Variants in PDE6B observed in about 807,000 individuals in gnomAD.
The protein encoded by PDE6B is rod cGMP-specific 3',5'-cyclic phosphodiesterase subunit beta.
A neutral mutation model predicts 109.0 loss-of-function variants in PDE6B; 106 were observed. That is an observed-to-expected ratio of 0.97 (90% CI 0.83 to 1.14). The LOEUF (loss-of-function observed/expected upper bound fraction) is 1.14, where lower values mean the gene tolerates loss of function less well. Ranked by LOEUF, PDE6B falls within the 50% of genes most tolerant of loss-of-function variation. PDE6B has a pLI of 0.00. For missense variants in PDE6B, 1,193 were observed against 1,155.6 expected (o/e 1.03, Z -0.47); for synonymous variants, 490 against 471.3 (o/e 1.04, Z -0.51).
intron 3 of PDE6B, chr4:653,234 G>A (rs1044844318): frequency 7.0e-5 from 71 of 1,009,896 alleles, no homozygotes; most frequent in Non-Finnish European, 7.9e-5. Flanking sequence ...CGGCCGCCGC[G>A]AGTGTGAGGA....
At position 625,884 on chromosome 4, in the gene PDE6B, C is replaced by T. The variant is rs886059520; in HGVS notation, c.258C>T (p.Leu86=). 35 of 1,606,208 alleles carry T rather than the reference C, an allele frequency of 2.2e-5. No homozygotes were observed. The highest frequency in any genetic ancestry group is 2.7e-5 in the African/African-American group (2 of 74,820). Residue 86 remains leucine (L), a synonymous_variant, in exon 1 of 22, where the codon CTC becomes CTT. Coordinates refer to ENST00000496514, the MANE Select transcript of PDE6B (RefSeq NM_000283.4). This position sits in a 1 kb window ranked among gnomAD's most constrained non-coding sequence, Gnocchi z 5.0. ...VFKVLRRLCT[L]LQADRCSLFM... ...AGGTCCTGCGGCGCCTCTGCACCCT[C>T]CTGCAGGCCGACCGCTGCAGCCTCT...
Position 663,294 on chromosome 4 carries a change from A to C in PDE6B, c.1920+107A>C. The stretch of plus-strand genomic sequence containing the variant: ...CAGGGTTCTGATGCAGCGGGTGAGC[A>C]CTGGGTGTGTGAGCACTGGGGGAGG... On this transcript the variant is annotated intron_variant, in intron 15 of 21. Transcript: ENST00000496514. This position sits in a 1 kb window ranked among gnomAD's most constrained non-coding sequence, Gnocchi z 4.0. The C allele has an allele frequency of 2.6e-6, 2 of 756,030 alleles. No individual in the cohort carries two copies. The highest frequency in any genetic ancestry group is 2.4e-6 in the Non-Finnish European group (1 of 413,178). 46.8% of individuals were successfully genotyped at this position (756,030 alleles called of 1,614,324 possible).
chr4:642,730 A>AAAAAAAAAAAC (rs1735006319), intron 3 of PDE6B, among the ~76,000 whole-genome samples: 3 of 149,948 alleles, frequency 2.0e-5, no homozygotes, highest in African/African-American at 7.4e-5. Context: ...TGTCTCAAAA[A>AAAAAAAAAAAC]AAAAAAAAAA....
At position 656,928 on chromosome 4, in the gene PDE6B, A is replaced by T. The variant is rs765481943; in HGVS notation, c.1162A>T (p.Ile388Phe). 1.2e-6 allele frequency: 2 copies of T among 1,613,058 alleles called. No individual in the cohort carries two copies. The highest frequency in any genetic ancestry group is 1.6e-4 in the Middle Eastern group (1 of 6,062). Residue 388 changes from isoleucine (I) to phenylalanine (F), a missense_variant, in exon 9 of 22, where the codon ATC (isoleucine) becomes TTC (phenylalanine). Ile to Phe is a conservative substitution (Grantham distance 21). Transcript: ENST00000496514. ...CATCAAGAATGTGCTGTCCATGCCC[A>T]TCGTCAACAAGAAGGAGGAGATTGT... is the stretch of plus-strand genomic sequence containing the variant. ...WLIKNVLSMPIVNKKEEIVGV... is the reference protein window; with the variant it reads ...WLIKNVLSMPFVNKKEEIVGV...
In PDE6B at chr4:665,843, G is replaced by A. The variant is rs998853930; in HGVS notation, c.2268+514G>A. 8.5e-5 allele frequency among the ~76,000 whole-genome samples: 13 copies of A among 152,152 alleles called. No homozygotes were observed. Among genetic ancestry groups the A allele is most frequent in the Non-Finnish European group, 1.6e-4 (11 of 68,002 alleles). On this transcript the variant is annotated intron_variant, in intron 19 of 21. Coordinates refer to ENST00000496514, the MANE Select transcript of PDE6B (RefSeq NM_000283.4). This position sits in a 1 kb window ranked among gnomAD's most constrained non-coding sequence, Gnocchi z 4.0. ...AGAGGCAGGGCTGCCCCAGCCCCAC[G>A]TGGACCAGGTGGGAGCTGTGGTTTC... is the stretch of plus-strand genomic sequence containing the variant.
In PDE6B at chr4:647,692, C is replaced by T. The variant is rs562771881; in HGVS notation, c.712-6160C>T. ...CCCACCTCCACTCACCATCGCATCT[C>T]GGGTGAGGGCTTCACAGATGCATGG... On this transcript the variant is annotated intron_variant, in intron 3 of 21. Coordinates refer to ENST00000496514, the MANE Select transcript of PDE6B (RefSeq NM_000283.4). Among the ~76,000 whole-genome samples, 4 of 152,068 alleles carry T rather than the reference C, an allele frequency of 2.6e-5. 1 individual carries two copies. The highest frequency in any genetic ancestry group is 9.7e-5 in the African/African-American group (4 of 41,364).
chr4:635,546 C>T (rs1234545417), intron 2 of PDE6B, among the ~76,000 whole-genome samples: 3 of 139,872 alleles, frequency 2.1e-5, no homozygotes, highest in African/African-American at 5.4e-5. Context: ...TGCCTGCCCG[C>T]GTGTTCTGTG....
chr4:653,597 G>A (rs933063089), intron 3 of PDE6B: 11 of 585,322 alleles, frequency 1.9e-5, no homozygotes, highest in South Asian at 7.9e-5. Context: ...CTTTCCACTC[G>A]TCCACTCCTG....
At chr4:653,176 C>T (rs1735736529) in intron 3 of PDE6B, 31 of 997,498 alleles carry the variant, frequency 3.1e-5, no homozygotes, top group African/African-American at 5.2e-5. Flanking sequence ...TGGGCTAGGA[C>T]ACCGCAGCGG....
chr4:627,948 T>C (rs1193493278), intron 1 of PDE6B, among the ~76,000 whole-genome samples: 4 of 151,734 alleles, frequency 2.6e-5, no homozygotes, highest in Admixed American at 6.6e-5. Context: ...CCTGGCCTGT[T>C]CCCCAGGGCT....
rs1344935599 is a variant in PDE6B at position 664,862 on chromosome 4, G to A, written c.2130-19G>A. ...TCAGGAGACGCCCATCAGCACTCGT[G>A]CCCGGTTTGTGTCTGCAGGGCCATG... On this transcript the variant is annotated intron_variant, in intron 17 of 21. Transcript: ENST00000496514. The A allele has an allele frequency of 1.2e-6, 2 of 1,609,576 alleles. No individual in the cohort carries two copies. Among genetic ancestry groups the A allele is most frequent in the Admixed American group, 3.3e-5 (2 of 60,036 alleles).
At chr4:627,150 G>GTTTTTT (rs553192612) in intron 1 of PDE6B, among the ~76,000 whole-genome samples, 5 of 143,214 alleles carry the variant, frequency 3.5e-5, no homozygotes, top group African/African-American at 1.3e-4. Context: ...TCGTTTGTGG[G>GTTTTTT]TTTTTTTTTT....
chr4:634,069 AG>A (rs1734521347), intron 1 of PDE6B, among the ~76,000 whole-genome samples: 1 of 151,716 alleles, frequency 6.6e-6, no homozygotes, highest in Non-Finnish European at 1.5e-5. Context: ...CCCAGACCCC[AG>A]GGGGCAGACC....
rs925324485 is a variant in PDE6B at position 663,296 on chromosome 4, T to G, written c.1920+109T>G. Reference sequence around the variant, plus strand: ...GGGTTCTGATGCAGCGGGTGAGCACTGGGTGTGTGAGCACTGGGGGAGGGC... The same window carrying G: ...GGGTTCTGATGCAGCGGGTGAGCACGGGGTGTGTGAGCACTGGGGGAGGGC... On this transcript the variant is annotated intron_variant, in intron 15 of 21. Transcript: ENST00000496514. The surrounding 1 kb of genome is among the most constrained non-coding windows in gnomAD (Gnocchi z 4.0). 2.7e-5 allele frequency: 20 copies of G among 749,026 alleles called. No individual in the cohort carries two copies. Among genetic ancestry groups the G allele is most frequent in the South Asian group, 7.0e-5 (5 of 71,216 alleles). 46.4% of individuals were successfully genotyped at this position (749,026 alleles called of 1,614,324 possible).
intron 3 of PDE6B, among the ~76,000 whole-genome samples, chr4:640,557 CTT>C (rs996067680): frequency 2.0e-5 from 3 of 152,052 alleles, no homozygotes; most frequent in African/African-American, 7.2e-5. Flanking sequence ...AAAAATCCAA[CTT>C]AGCATTTTTT....
intron 1 of PDE6B, among the ~76,000 whole-genome samples, chr4:634,007 G>A (rs1490707427): frequency 6.6e-6 from 1 of 151,968 alleles, no homozygotes; most frequent in East Asian, 1.9e-4. Flanking sequence ...AGTGAGGGTG[G>A]GTGGGTACCC....
chr4:660,339 A>G lies in PDE6B; in HGVS notation c.1468-128A>G, dbSNP rs1380334640. 3 of 949,732 alleles carry G rather than the reference A, an allele frequency of 3.2e-6. No individual in the cohort carries two copies. In the Admixed American group the frequency reaches 5.2e-5, roughly 17 times the overall value. The allele number at this position is 949,732 out of a possible 1,614,324, so 58.8% of individuals were successfully genotyped here. On this transcript the variant is annotated intron_variant, in intron 11 of 21. Transcript: ENST00000496514. ...TGGGATACAGGCTGGAGCGCCAGGA[A>G]TGACACATCTCCTCAGAGATGCCTG...
At chr4:655,010 C>A (rs574216887) in intron 6 of PDE6B, 122 bp downstream of exon 6, 2 of 745,652 alleles carry the variant, frequency 2.7e-6, no homozygotes, top group East Asian at 2.5e-5. Flanking sequence ...CCGGCCTGGC[C>A]TGGCCCCACC....
At chr4:646,980 C>T (rs1390300867) in intron 3 of PDE6B, among the ~76,000 whole-genome samples, 1 of 151,800 alleles carries the variant, frequency 6.6e-6, no homozygotes, top group Non-Finnish European at 1.5e-5. Flanking sequence ...GCCTCAGCCT[C>T]CTGAGTAGCT....
Sources: gnomAD v4.1 joint callset for allele counts (sites outside exome capture counted in the v4.1 genomes callset) on GRCh38, gnomAD v4.1.1 for gene constraint, Gnocchi (gnomAD v3.1) non-coding constraint, MANE v1.5 for transcripts, NCBI Gene and HGNC (gene_info 2026-07-23, HGNC 2026-07-21) for gene names.